Variants in SAMD5 observed in about 807,000 individuals in gnomAD.
The protein encoded by SAMD5 is sterile alpha motif domain containing 5.
A neutral mutation model predicts 11.3 loss-of-function variants in SAMD5; 13 were observed. The ratio of observed to expected loss-of-function variants is 1.15; its 90% confidence interval spans 0.75 to 1.83. SAMD5 has a LOEUF of 1.83. Among genes scored for constraint, SAMD5 ranks in the 40% most tolerant of loss-of-function variants. The probability of loss-of-function intolerance (pLI) is 0.00; values close to 1 mark genes in which losing one functional copy is unlikely to be tolerated. For missense variants in SAMD5, 255 were observed against 239.1 expected (o/e 1.07, Z -0.44); for synonymous variants, 129 against 111.3 (o/e 1.16, Z -1.00).
chr6:147,527,568 T>C (rs1386158301), intron 1 of SAMD5, among the ~76,000 whole-genome samples: 1 of 151,926 alleles, frequency 6.6e-6, no homozygotes, highest in Middle Eastern at 3.2e-3. Context: ...CCAAACCATA[T>C]CATTTGGCCC....
At chr6:147,535,473 G>C (rs778393274) in intron 1 of SAMD5, among the ~76,000 whole-genome samples, 1 of 152,172 alleles carries the variant, frequency 6.6e-6, no homozygotes, top group Non-Finnish European at 1.5e-5. Flanking sequence ...AAAGCCTTAA[G>C]AACAGCTAAC....
intron 1 of SAMD5, among the ~76,000 whole-genome samples, chr6:147,593,882 T>C: frequency 6.6e-6 from 1 of 152,068 alleles, no homozygotes. Flanking sequence ...AATCCCAGCA[T>C]TTTGGGAGGC....
intron 1 of SAMD5, among the ~76,000 whole-genome samples, chr6:147,685,717 T>C (rs533932537): frequency 1.3e-5 from 2 of 152,014 alleles, no homozygotes; most frequent in East Asian, 1.9e-4. Flanking sequence ...TTCTCTCTTC[T>C]TTTTTTTGAC....
downstream of SAMD5, among the ~76,000 whole-genome samples, chr6:147,740,558 C>T (rs1288803702): frequency 6.6e-6 from 1 of 152,134 alleles, no homozygotes; most frequent in Non-Finnish European, 1.5e-5. Flanking sequence ...GTCTGTGGCA[C>T]GGTGGGCTGA....
At chr6:147,849,437 A>T in the SAMD5 span, among the ~76,000 whole-genome samples, 1 of 152,086 alleles carries the variant, frequency 6.6e-6, no homozygotes, top group Non-Finnish European at 1.5e-5. Context: ...TGAAAGAAAT[A>T]CGTACTTTTT....
intron 1 of SAMD5, among the ~76,000 whole-genome samples, chr6:147,544,676 T>C (rs559070358): frequency 1.3e-5 from 2 of 152,194 alleles, no homozygotes; most frequent in Non-Finnish European, 2.9e-5. Flanking sequence ...GGATGGGAAG[T>C]GATGTACTGC....
the SAMD5 span, among the ~76,000 whole-genome samples, chr6:147,834,214 G>T: frequency 6.6e-6 from 1 of 152,046 alleles, no homozygotes; most frequent in African/African-American, 2.4e-5. Context: ...AATAAATAGG[G>T]GTTTCATCTC....
chr6:147,723,733 A>G (rs1791587302), intron 1 of SAMD5, among the ~76,000 whole-genome samples: 1 of 152,222 alleles, frequency 6.6e-6, no homozygotes, highest in Admixed American at 6.5e-5. Flanking sequence ...ATATCCTGCC[A>G]ACAGCAGAAC....
At chr6:147,659,150 A>G (rs1562345146) in intron 1 of SAMD5, among the ~76,000 whole-genome samples, 1 of 152,216 alleles carries the variant, frequency 6.6e-6, no homozygotes, top group African/African-American at 2.4e-5. Context: ...TATAATTGGC[A>G]GATGGCACTT....
the SAMD5 span, among the ~76,000 whole-genome samples, chr6:147,891,102 A>G: frequency 2.0e-5 from 3 of 152,260 alleles, no homozygotes; most frequent in African/African-American, 7.2e-5. Context: ...CTTACATAAG[A>G]GAATATATTC....
the SAMD5 span, among the ~76,000 whole-genome samples, chr6:147,884,537 C>T: frequency 6.6e-6 from 1 of 152,194 alleles, no homozygotes; most frequent in Non-Finnish European, 1.5e-5. Flanking sequence ...TTTTGAGCTA[C>T]TTTCAAATTC....
At chr6:147,745,138 A>G in the SAMD5 span, among the ~76,000 whole-genome samples, 2 of 152,096 alleles carry the variant, frequency 1.3e-5, no homozygotes, top group Non-Finnish European at 1.5e-5. Context: ...AGAGCTATAT[A>G]CACAAATATT....
intron 1 of SAMD5, among the ~76,000 whole-genome samples, chr6:147,687,685 G>A (rs750609015): frequency 5.9e-5 from 9 of 152,022 alleles, no homozygotes; most frequent in Non-Finnish European, 1.3e-4. Context: ...ATTTATAAAG[G>A]ATATTTTATT....
chr6:147,629,151 C>A (rs369696489), intron 1 of SAMD5, among the ~76,000 whole-genome samples: 2 of 150,834 alleles, frequency 1.3e-5, no homozygotes, highest in Admixed American at 6.6e-5. Flanking sequence ...AACAAACAAA[C>A]AAAAAAACAT....
At chr6:147,515,415 ATCC>A (rs1788153057) in intron 1 of SAMD5, among the ~76,000 whole-genome samples, 1 of 47,840 alleles carries the variant, frequency 2.1e-5, no homozygotes, top group African/African-American at 4.4e-4. Context: ...CCATTTATCC[ATCC>A]GTCTTCCATC....
chr6:147,950,838 C>G, the SAMD5 span, among the ~76,000 whole-genome samples: 1 of 152,128 alleles, frequency 6.6e-6, no homozygotes, highest in Non-Finnish European at 1.5e-5. Context: ...ACAATCCTGC[C>G]TGCCAAGATT....
the SAMD5 span, among the ~76,000 whole-genome samples, chr6:147,854,420 C>G: frequency 6.6e-6 from 1 of 152,112 alleles, no homozygotes; most frequent in African/African-American, 2.4e-5. Flanking sequence ...CTGAGCTGAT[C>G]TCTGTTTAAG....
the SAMD5 span, among the ~76,000 whole-genome samples, chr6:147,920,278 G>C: frequency 1.3e-5 from 2 of 152,122 alleles, no homozygotes; most frequent in African/African-American, 4.8e-5. Flanking sequence ...TGAGTCTTCT[G>C]GACTTCATCT....
the SAMD5 span, among the ~76,000 whole-genome samples, chr6:147,921,201 C>T: frequency 6.6e-6 from 1 of 151,572 alleles, no homozygotes; most frequent in South Asian, 2.1e-4. Context: ...AAACCACTGA[C>T]TGTGGTTGTC....
Sources: gnomAD v4.1 joint callset for allele counts (sites outside exome capture counted in the v4.1 genomes callset) on GRCh38, gnomAD v4.1.1 for gene constraint, MANE v1.5 for transcripts, NCBI Gene and HGNC (gene_info 2026-07-23, HGNC 2026-07-21) for gene names.